MC1R: variants seen among roughly 807,000 people sequenced by gnomAD.
The protein encoded by MC1R is melanocortin 1 receptor, also known as melanocyte-stimulating hormone receptor.
For synonymous variants in MC1R, 263 were observed against 203.8 expected (o/e 1.29, Z -2.47); for missense variants, 542 against 430.0 (o/e 1.26, Z -2.30).
chr16:89,920,225 C>G lies in MC1R; in HGVS notation c.*13C>G. On this transcript the variant is annotated 3_prime_UTR_variant, in exon 1 of 1. Transcript: ENST00000555147. ...ATGCTCCTGGTGAGCGCGGTGCACG[C>G]GGCTTTAAGTGTGCTGGGCAGAGGG... 6.2e-7 allele frequency: 1 copy of G among 1,603,584 alleles called. No individual in the cohort carries two copies. The highest frequency in any genetic ancestry group is 8.5e-7 in the Non-Finnish European group (1 of 1,170,840).
rs775239171 is a variant in MC1R at position 89,919,771 on chromosome 16, C to T, written c.513C>T (p.Ala171=). ...ARRAVAAIWV[A]SVVFSTLFIA... ...GAGCCGTTGCGGCCATCTGGGTGGCCAGTGTCGTCTTCAGCACGCTCTTCA... is the reference window on the plus strand; with the variant it reads ...GAGCCGTTGCGGCCATCTGGGTGGCTAGTGTCGTCTTCAGCACGCTCTTCA... The change falls in exon 1 of 1, where the codon GCC becomes GCT. Residue 171 remains alanine, a synonymous_variant. Transcript: ENST00000555147. 2 of 1,608,532 alleles carry T rather than the reference C, an allele frequency of 1.2e-6. No homozygotes were observed. Among genetic ancestry groups the T allele is most frequent in the East Asian group, 4.5e-5 (2 of 44,880 alleles).
Position 89,919,975 on chromosome 16 carries a change from C to T in MC1R, c.717C>T (p.Gly239=), listed in dbSNP as rs34490506. Residue 239 remains glycine, a synonymous_variant, in exon 1 of 1, where the codon GGC becomes GGT. Transcript: ENST00000555147. ...TCCACCAGGGCTTTGGCCTTAAAGGCGCTGTCACCCTCACCATCCTGCTGG... is the reference window on the plus strand; with the variant it reads ...TCCACCAGGGCTTTGGCCTTAAAGGTGCTGTCACCCTCACCATCCTGCTGG... ...RPVHQGFGLK[G]AVTLTILLGI... 471 of 1,613,028 alleles carry T rather than the reference C, an allele frequency of 2.9e-4. No individual in the cohort carries two copies. The highest frequency in any genetic ancestry group is 4.9e-4 in the Middle Eastern group (3 of 6,062).
Position 89,920,140 on chromosome 16 carries a change from C to T in MC1R, c.882C>T (p.Asp294=), listed in dbSNP as rs780773419. ...LALIICNAII[D]PLIYAFHSQE... is the part of the protein sequence containing the mutation. ...TCATCATCTGCAATGCCATCATCGA[C>T]CCCCTCATCTACGCCTTCCACAGCC... is the stretch of plus-strand genomic sequence containing the variant. The change falls in exon 1 of 1, where the codon GAC becomes GAT. Residue 294 remains aspartate, a synonymous_variant. Transcript: ENST00000555147. 13 of 1,613,918 alleles carry T rather than the reference C, an allele frequency of 8.1e-6. No homozygotes were observed. In the South Asian group the frequency reaches 1.1e-4, roughly 14 times the overall value.
Position 89,920,851 on chromosome 16 carries a change from A to T in MC1R, c.*639A>T. On this transcript the variant is annotated 3_prime_UTR_variant, in exon 1 of 1. Coordinates refer to ENST00000555147, the MANE Select transcript of MC1R (RefSeq NM_002386.4). ...GGCTCAGACTGGGCACTGGGGCCTC[A>T]GCCTGCTTTCCTGCAGCAGTCGCCC... is the stretch of plus-strand genomic sequence containing the variant. The T allele has an allele frequency of 1.7e-6, 1 of 601,118 alleles. No homozygotes were observed. The highest frequency in any genetic ancestry group is 2.1e-5 in the South Asian group (1 of 48,304). The allele number at this position is 601,118 out of a possible 1,614,324, so 37.2% of individuals were successfully genotyped here. A position where few individuals can be genotyped will look rare whatever the true frequency, so the allele number is the denominator to read the frequency against.
At position 89,919,817 on chromosome 16, in the gene MC1R, G is replaced by A; in HGVS notation, c.559G>A (p.Ala187Thr). 1 of 1,607,202 alleles carries A rather than the reference G, an allele frequency of 6.2e-7. No individual in the cohort carries two copies. The highest frequency in any genetic ancestry group is 8.5e-7 in the Non-Finnish European group (1 of 1,179,592). Residue 187 changes from alanine (A) to threonine (T), a missense_variant, in exon 1 of 1, where the codon GCC becomes ACC. Transcript: ENST00000555147. Reference protein sequence around the residue: ...TLFIAYYDHVAVLLCLVVFFL... With the variant: ...TLFIAYYDHVTVLLCLVVFFL... ...CTTCATCGCCTACTACGACCACGTG[G>A]CCGTCCTGCTGTGCCTCGTGGTCTT...
In MC1R at chr16:89,920,539, G is replaced by T; in HGVS notation, c.*327G>T. The T allele has an allele frequency of 1.6e-6, 1 of 629,322 alleles. No homozygotes were observed. Among genetic ancestry groups the T allele is most frequent in the Non-Finnish European group, 2.9e-6 (1 of 344,856 alleles). 39.0% of individuals were successfully genotyped at this position (629,322 alleles called of 1,614,324 possible). ...TTTCCGCCCACTCCTGGGACACTCC[G>T]TCTGCTCCAATGACTGAGCAGCATC... On this transcript the variant is annotated 3_prime_UTR_variant, in exon 1 of 1. Transcript: ENST00000555147.
rs2045715782 is a variant in MC1R at position 89,920,792 on chromosome 16, T to G, written c.*580T>G. The G allele has an allele frequency of 1.5e-6, 1 of 677,908 alleles. No homozygotes were observed. The highest frequency in any genetic ancestry group is 2.7e-6 in the Non-Finnish European group (1 of 366,410). The allele number at this position is 677,908 out of a possible 1,614,324, so 42.0% of individuals were successfully genotyped here. A position where few individuals can be genotyped will look rare whatever the true frequency, so the allele number is the denominator to read the frequency against. On this transcript the variant is annotated 3_prime_UTR_variant, in exon 1 of 1. Transcript: ENST00000555147. The stretch of plus-strand genomic sequence containing the variant: ...AGGTTTGCAGGAGCCCCCCTAGTGG[T>G]ATGGGGCTGAGCCCTCCTGAGGGCC...
rs373241401 is a variant in MC1R, at chr16:89,919,384, C to T, written c.126C>T (p.Asp42=). 3.1e-5 allele frequency: 50 copies of T among 1,613,206 alleles called. No homozygotes were observed. In the South Asian group the frequency reaches 3.3e-4, roughly 11 times the overall value. Residue 42 remains aspartate (D), a synonymous_variant, in exon 1 of 1, where the codon GAC becomes GAT. Coordinates refer to ENST00000555147, the MANE Select transcript of MC1R (RefSeq NM_002386.4). ...GGTGCCTGGAGGTGTCCATCTCTGA[C>T]GGGCTCTTCCTCAGCCTGGGGCTGG... ...GARCLEVSIS[D]GLFLSLGLVS... is the part of the protein sequence containing the mutation.
At position 89,920,028 on chromosome 16, in the gene MC1R, T is replaced by A. The variant is rs376508354; in HGVS notation, c.770T>A (p.Phe257Tyr). The A allele has an allele frequency of 3.1e-6, 5 of 1,613,634 alleles. No individual in the cohort carries two copies. The African/African-American group carries it at 6.7e-5, about 22-fold the overall frequency. ...LGIFFLCWGPFFLHLTLIVLC... is the reference protein window; with the variant it reads ...LGIFFLCWGPYFLHLTLIVLC... Reference sequence around the variant, plus strand: ...ATTTTCTTCCTCTGCTGGGGCCCCTTCTTCCTGCATCTCACACTCATCGTC... The same window carrying A: ...ATTTTCTTCCTCTGCTGGGGCCCCTACTTCCTGCATCTCACACTCATCGTC... The change falls in exon 1 of 1, where the codon TTC (phenylalanine) becomes TAC (tyrosine). Residue 257 changes from phenylalanine (F) to tyrosine (Y), a missense_variant. Physicochemically the swap from Phe to Tyr is conservative, Grantham distance 22. Coordinates refer to ENST00000555147, the MANE Select transcript of MC1R (RefSeq NM_002386.4).
Position 89,919,440 on chromosome 16 carries a change from C to T in MC1R, c.182C>T (p.Ala61Val). 1 of 1,613,200 alleles carries T rather than the reference C, an allele frequency of 6.2e-7. No homozygotes were observed. Residue 61 changes from alanine (A) to valine (V), a missense_variant, in exon 1 of 1, where the codon GCC becomes GTC. Ala to Val is a moderately conservative substitution (Grantham distance 64, BLOSUM62 0). Coordinates refer to ENST00000555147, the MANE Select transcript of MC1R (RefSeq NM_002386.4). ...VSLVENALVV[A>V]TIAKNRNLHS... is the part of the protein sequence containing the mutation. ...TTGGTGGAGAACGCGCTGGTGGTGGCCACCATCGCCAAGAACCGGAACCTG... is the reference window on the plus strand; with the variant it reads ...TTGGTGGAGAACGCGCTGGTGGTGGTCACCATCGCCAAGAACCGGAACCTG...
chr16:89,920,423 G>C lies in MC1R; in HGVS notation c.*211G>C. On this transcript the variant is annotated 3_prime_UTR_variant, in exon 1 of 1. Transcript: ENST00000555147. ...AAACTCCAGGCAGGACTTCTCACCAGCAGTCGTGGGGAACGGAGGAGGACA... is the reference window on the plus strand; with the variant it reads ...AAACTCCAGGCAGGACTTCTCACCACCAGTCGTGGGGAACGGAGGAGGACA... 1 of 621,406 alleles carries C rather than the reference G, an allele frequency of 1.6e-6. No homozygotes were observed. Among genetic ancestry groups the C allele is most frequent in the Non-Finnish European group, 2.9e-6 (1 of 342,996 alleles). The allele number at this position is 621,406 out of a possible 1,614,324, so 38.5% of individuals were successfully genotyped here.
At position 89,920,967 on chromosome 16, in the gene MC1R, C is replaced by T; in HGVS notation, c.*755C>T. The T allele has an allele frequency of 1.9e-6, 1 of 523,222 alleles. No individual in the cohort carries two copies. Among genetic ancestry groups the T allele is most frequent in the Non-Finnish European group, 3.5e-6 (1 of 288,706 alleles). The allele number at this position is 523,222 out of a possible 1,614,324, so 32.4% of individuals were successfully genotyped here. ...TCTGGTAATAAATGTGACTCAGCAT[C>T]ACCCACCTTAGCCCCTTCCAGAAAG... On this transcript the variant is annotated 3_prime_UTR_variant, in exon 1 of 1. Coordinates refer to ENST00000555147, the MANE Select transcript of MC1R (RefSeq NM_002386.4).
rs371583010 is a variant in MC1R at position 89,920,064 on chromosome 16, A to G, written c.806A>G (p.Glu269Gly). 1 of 1,613,678 alleles carries G rather than the reference A, an allele frequency of 6.2e-7. No homozygotes were observed. Among genetic ancestry groups the G allele is most frequent in the Non-Finnish European group, 8.5e-7 (1 of 1,179,878 alleles). The change falls in exon 1 of 1, where the codon GAG becomes GGG. Residue 269 changes from glutamate to glycine, a missense_variant. Transcript: ENST00000555147. ...LHLTLIVLCP[E>G]HPTCGCIFKN... ...CTCACACTCATCGTCCTCTGCCCCG[A>G]GCACCCCACGTGCGGCTGCATCTTC...
In MC1R at chr16:89,920,288, C is replaced by G. The variant is rs545888975; in HGVS notation, c.*76C>G. 1 of 1,267,052 alleles carries G rather than the reference C, an allele frequency of 7.9e-7. No individual in the cohort carries two copies. The highest frequency in any genetic ancestry group is 1.5e-5 in the African/African-American group (1 of 66,968). The allele number at this position is 1,267,052 out of a possible 1,614,324, so 78.5% of individuals were successfully genotyped here. A position where few individuals can be genotyped will look rare whatever the true frequency, so the allele number is the denominator to read the frequency against. The stretch of plus-strand genomic sequence containing the variant: ...TGTGTGGTCTGGTTCCTGTGTGACC[C>G]TGGGCAGTTCCTTACCTCCCTGGTC... On this transcript the variant is annotated 3_prime_UTR_variant, in exon 1 of 1. Transcript: ENST00000555147.
Position 89,920,347 on chromosome 16 carries a change from C to A in MC1R, c.*135C>A. 3 of 788,154 alleles carry A rather than the reference C, an allele frequency of 3.8e-6. No homozygotes were observed. The highest frequency in any genetic ancestry group is 6.2e-6 in the Non-Finnish European group (3 of 484,098). 48.8% of individuals were successfully genotyped at this position (788,154 alleles called of 1,614,324 possible). The stretch of plus-strand genomic sequence containing the variant: ...TCAAAGAGGATGGACTAAATGATCT[C>A]TGAAAGTGTTGAAGCGCGGACCCTT... On this transcript the variant is annotated 3_prime_UTR_variant, in exon 1 of 1. Coordinates refer to ENST00000555147, the MANE Select transcript of MC1R (RefSeq NM_002386.4).
chr16:89,920,487 G>A lies in MC1R; in HGVS notation c.*275G>A, dbSNP rs2045711179. On this transcript the variant is annotated 3_prime_UTR_variant, in exon 1 of 1. Transcript: ENST00000555147. ...GGGCCTCAGGCTCCGGGCACCAGGG[G>A]CCAACCTCAGGCTCCTAAAGAGACA... The A allele has an allele frequency of 3.2e-6, 2 of 616,662 alleles. No individual in the cohort carries two copies. The highest frequency in any genetic ancestry group is 3.0e-5 in the Admixed American group (1 of 33,852). The allele number at this position is 616,662 out of a possible 1,614,324, so 38.2% of individuals were successfully genotyped here. A position where few individuals can be genotyped will look rare whatever the true frequency, so the allele number is the denominator to read the frequency against.
rs1294741157 is a variant in MC1R at position 89,919,402 on chromosome 16, G to C, written c.144G>C (p.Leu48=). Residue 48 remains leucine, a synonymous_variant, in exon 1 of 1, where the codon CTG becomes CTC. Coordinates refer to ENST00000555147, the MANE Select transcript of MC1R (RefSeq NM_002386.4). The stretch of plus-strand genomic sequence containing the variant: ...TCTCTGACGGGCTCTTCCTCAGCCT[G>C]GGGCTGGTGAGCTTGGTGGAGAACG... ...VSISDGLFLS[L]GLVSLVENAL... is the part of the protein sequence containing the mutation. 4 of 1,613,366 alleles carry C rather than the reference G, an allele frequency of 2.5e-6. No individual in the cohort carries two copies. Among genetic ancestry groups the C allele is most frequent in the Non-Finnish European group, 3.4e-6 (4 of 1,179,886 alleles).
At position 89,920,774 on chromosome 16, in the gene MC1R, C is replaced by A; in HGVS notation, c.*562C>A. ...GCCTCAGGCCAAGGGACCAGGTTTGCAGGAGCCCCCCTAGTGGTATGGGGC... is the reference window on the plus strand; with the variant it reads ...GCCTCAGGCCAAGGGACCAGGTTTGAAGGAGCCCCCCTAGTGGTATGGGGC... On this transcript the variant is annotated 3_prime_UTR_variant, in exon 1 of 1. Coordinates refer to ENST00000555147, the MANE Select transcript of MC1R (RefSeq NM_002386.4). 1 of 697,996 alleles carries A rather than the reference C, an allele frequency of 1.4e-6. No homozygotes were observed. 43.2% of individuals were successfully genotyped at this position (697,996 alleles called of 1,614,324 possible).
rs990355156 is a variant in MC1R at position 89,920,105 on chromosome 16, T to A, written c.847T>A (p.Phe283Ile). The A allele has an allele frequency of 2.1e-5, 34 of 1,613,832 alleles. 1 individual carries two copies. In the Admixed American group the frequency reaches 5.7e-4, roughly 27 times the overall value. Residue 283 changes from phenylalanine to isoleucine, a missense_variant, in exon 1 of 1, where the codon TTT (phenylalanine) becomes ATT (isoleucine). Coordinates refer to ENST00000555147, the MANE Select transcript of MC1R (RefSeq NM_002386.4). Reference sequence around the variant, plus strand: ...CTGCATCTTCAAGAACTTCAACCTCTTTCTCGCCCTCATCATCTGCAATGC... The same window carrying A: ...CTGCATCTTCAAGAACTTCAACCTCATTCTCGCCCTCATCATCTGCAATGC... Reference protein sequence around the residue: ...CGCIFKNFNLFLALIICNAII... With the variant: ...CGCIFKNFNLILALIICNAII...
Sources: gnomAD v4.1 joint callset for allele counts on GRCh38, gnomAD v4.1.1 for gene constraint, MANE v1.5 for transcripts, NCBI Gene and HGNC (gene_info 2026-07-23, HGNC 2026-07-21) for gene names.